Variants in GPC5 observed in about 807,000 individuals in gnomAD.
The protein encoded by GPC5 is glypican 5, also known as glypican-5.
Under a neutral mutation model 53.9 loss-of-function variants are expected in GPC5, and 47 were observed. The ratio of observed to expected loss-of-function variants is 0.87; its 90% confidence interval spans 0.69 to 1.11. GPC5 has a LOEUF of 1.11. Among genes scored for constraint, GPC5 ranks in the 50% most tolerant of loss-of-function variants. GPC5 has a pLI of 0.00. For missense variants in GPC5, 748 were observed against 713.1 expected, an observed-to-expected ratio of 1.05 and a Z score of -0.56; for synonymous variants, 286 against 263.3, an observed-to-expected ratio of 1.09 and a Z score of -0.84.
chr13:92,330,276 CTGT>C (rs1179420592), intron 7 of GPC5, among the ~76,000 whole-genome samples: 3 of 152,272 alleles, frequency 2.0e-5, no homozygotes, highest in South Asian at 4.1e-4. Flanking sequence ...TGGTCGAGTT[CTGT>C]TATTACCTCT....
chr13:91,907,058 A>G (rs2039560536), intron 5 of GPC5, among the ~76,000 whole-genome samples: 1 of 146,022 alleles, frequency 6.8e-6, no homozygotes, highest in African/African-American at 2.5e-5. Context: ...ATAACATAAC[A>G]GTGCCACAGA....
chr13:92,356,151 A>G (rs1039087881), intron 7 of GPC5, among the ~76,000 whole-genome samples: 2 of 152,140 alleles, frequency 1.3e-5, no homozygotes, highest in Non-Finnish European at 2.9e-5. Context: ...TGTATTAACA[A>G]TTTAATTTAT....
rs539661526 is a variant in GPC5, at chr13:91,590,549, T to G, written c.326-102638T>G. On this transcript the variant is annotated intron_variant, in intron 2 of 7. Transcript: ENST00000377067. ...TCCCTTTACCCAGAAATAAATTATC[T>G]TACCCTTGGTAATATATTAGTAAAT... Among the ~76,000 whole-genome samples, 66 of 152,284 alleles carry G rather than the reference T, an allele frequency of 4.3e-4. 1 individual carries two copies. The highest frequency in any genetic ancestry group is 1.6e-3 in the African/African-American group (65 of 41,576).
intron 7 of GPC5, among the ~76,000 whole-genome samples, chr13:92,771,046 C>T (rs1209018551): frequency 6.6e-6 from 1 of 152,138 alleles, no homozygotes; most frequent in Non-Finnish European, 1.5e-5. Context: ...CTCCACAAGC[C>T]TAGTGGGAAG....
intron 2 of GPC5, among the ~76,000 whole-genome samples, chr13:91,473,437 G>A (rs556104982): frequency 3.3e-5 from 5 of 152,202 alleles, no homozygotes; most frequent in Non-Finnish European, 5.9e-5. Context: ...TAACATGGTT[G>A]GTTATAGAAT....
chr13:91,480,737 C>T lies in GPC5; in HGVS notation c.325+31815C>T, dbSNP rs117660510. On this transcript the variant is annotated intron_variant, in intron 2 of 7. Transcript: ENST00000377067. ...GCCCTTGATGGTTATACCTATGGAG[C>T]GCTGCACTAGTATAAGGAGGGTTCA... Among the ~76,000 whole-genome samples the T allele has an allele frequency of 2.8e-3, 423 of 152,224 alleles. 3 individuals carry two copies. The highest frequency in any genetic ancestry group is 9.8e-3 in the African/African-American group (407 of 41,540).
chr13:92,395,750 A>G (rs1000594033), intron 7 of GPC5, among the ~76,000 whole-genome samples: 2 of 151,808 alleles, frequency 1.3e-5, no homozygotes, highest in East Asian at 1.9e-4. Flanking sequence ...ATATTTCCCT[A>G]TATCTTCTTG....
At chr13:92,332,328 T>C (rs971358258) in intron 7 of GPC5, among the ~76,000 whole-genome samples, 20 of 152,160 alleles carry the variant, frequency 1.3e-4, no homozygotes, top group Non-Finnish European at 2.1e-4. Context: ...TATGTAATGT[T>C]TTTCTGTTCT....
chr13:92,619,254 T>C (rs1884794982), intron 7 of GPC5, among the ~76,000 whole-genome samples: 2 of 151,988 alleles, frequency 1.3e-5, no homozygotes, highest in African/African-American at 4.8e-5. Context: ...ATTTTTAAAA[T>C]GGCATATTTA....
chr13:92,680,724 C>G (rs1887086569), intron 7 of GPC5, among the ~76,000 whole-genome samples: 1 of 152,158 alleles, frequency 6.6e-6, no homozygotes, highest in African/African-American at 2.4e-5. Flanking sequence ...AAGATTTTTA[C>G]TCTTCAGGAA....
At chr13:91,415,358 G>A (rs907409652) in intron 1 of GPC5, among the ~76,000 whole-genome samples, 2 of 152,176 alleles carry the variant, frequency 1.3e-5, no homozygotes, top group Non-Finnish European at 1.5e-5. Flanking sequence ...CTAACGTGAT[G>A]TTCGTGCTGT....
chr13:91,532,429 A>T, intron 2 of GPC5, among the ~76,000 whole-genome samples: 1 of 152,212 alleles, frequency 6.6e-6, no homozygotes, highest in East Asian at 1.9e-4. Flanking sequence ...GTTTCTGATG[A>T]TCAGAAACCT....
chr13:92,843,257 C>G (rs927747533), intron 7 of GPC5, among the ~76,000 whole-genome samples: 2 of 152,120 alleles, frequency 1.3e-5, no homozygotes, highest in African/African-American at 4.8e-5. Context: ...AACCAGTGTA[C>G]TTCCTTTTAT....
intron 7 of GPC5, among the ~76,000 whole-genome samples, chr13:92,271,890 T>C (rs183687299): frequency 1.3e-5 from 2 of 152,264 alleles, no homozygotes; most frequent in Admixed American, 6.5e-5. Flanking sequence ...TGTAAATAAA[T>C]TGAAAATACA....
intron 6 of GPC5, among the ~76,000 whole-genome samples, chr13:92,014,536 T>G (rs1336464383): frequency 6.6e-6 from 1 of 152,166 alleles, no homozygotes; most frequent in Admixed American, 6.5e-5. Context: ...CTTCCATATC[T>G]CTAATGGAAT....
At chr13:91,934,337 G>T (rs1374374068) in intron 6 of GPC5, among the ~76,000 whole-genome samples, 1 of 151,868 alleles carries the variant, frequency 6.6e-6, no homozygotes, top group African/African-American at 2.4e-5. Flanking sequence ...TAAGTATCAA[G>T]AAAAGTTCAC....
At chr13:91,490,200 A>G (rs1008748082) in intron 2 of GPC5, among the ~76,000 whole-genome samples, 1 of 152,182 alleles carries the variant, frequency 6.6e-6, no homozygotes, top group East Asian at 1.9e-4. Flanking sequence ...ATAAGTTGCT[A>G]TAGTGGGATG....
chr13:92,486,497 C>T (rs1409804840), intron 7 of GPC5, among the ~76,000 whole-genome samples: 1 of 152,090 alleles, frequency 6.6e-6, no homozygotes, highest in Non-Finnish European at 1.5e-5. Flanking sequence ...TTTCCAACTC[C>T]TTAAAAAATA....
chr13:91,495,275 T>G (rs903893288), intron 2 of GPC5, among the ~76,000 whole-genome samples: 1 of 152,226 alleles, frequency 6.6e-6, no homozygotes, highest in Non-Finnish European at 1.5e-5. Flanking sequence ...TAATATTCTT[T>G]TTAATCTAAT....
Sources: gnomAD v4.1 joint callset for allele counts (sites outside exome capture counted in the v4.1 genomes callset) on GRCh38, gnomAD v4.1.1 for gene constraint, MANE v1.5 for transcripts, NCBI Gene and HGNC (gene_info 2026-07-23, HGNC 2026-07-21) for gene names.